The following FHIT variants were observed in gnomAD, a reference collection of about 807,000 sequenced individuals.
FHIT encodes the protein fragile histidine triad diadenosine triphosphatase, also known as bis(5'-adenosyl)-triphosphatase.
Under a neutral mutation model 17.9 loss-of-function variants are expected in FHIT, and 19 were observed. The observed-to-expected ratio is 1.06, with a 90% CI of 0.74 to 1.56. FHIT has a LOEUF of 1.56. FHIT is among the 40% of genes most tolerant of loss of function. The pLI is 0.00. For missense variants in FHIT, 248 were observed against 189.2 expected, an observed-to-expected ratio of 1.31 and a Z score of -1.82; for synonymous variants, 81 against 69.7, an observed-to-expected ratio of 1.16 and a Z score of -0.81.
chr3:60,908,385 T>C (rs1395944792), intron 3 of FHIT, among the ~76,000 whole-genome samples: 2 of 152,248 alleles, frequency 1.3e-5, no homozygotes, highest in African/African-American at 4.8e-5. Flanking sequence ...AATGCCATTA[T>C]AGAGCAGTCC....
intron 5 of FHIT, among the ~76,000 whole-genome samples, chr3:60,230,473 C>G (rs1704439844): frequency 6.6e-6 from 1 of 151,946 alleles, no homozygotes; most frequent in African/African-American, 2.4e-5. Flanking sequence ...TAAAGATTTT[C>G]CAGAAAAAAA....
intron 7 of FHIT, among the ~76,000 whole-genome samples, chr3:59,924,799 T>C (rs1705573072): frequency 6.6e-6 from 1 of 152,246 alleles, no homozygotes; most frequent in Non-Finnish European, 1.5e-5. Context: ...CCACCTGTAC[T>C]TGGGGCTTAT....
At chr3:60,388,012 A>G (rs568963415) in intron 5 of FHIT, among the ~76,000 whole-genome samples, 6 of 152,202 alleles carry the variant, frequency 3.9e-5, no homozygotes, top group African/African-American at 1.4e-4. Context: ...TGCACATACC[A>G]GTTCTCCTTC....
intron 3 of FHIT, among the ~76,000 whole-genome samples, chr3:60,896,197 T>A (rs1369037467): frequency 2.6e-5 from 4 of 152,096 alleles, no homozygotes; most frequent in Non-Finnish European, 5.9e-5. Flanking sequence ...ATGGAAAAAT[T>A]GTCTTCTATG....
intron 5 of FHIT, among the ~76,000 whole-genome samples, chr3:60,019,056 G>T (rs912576286): frequency 6.6e-6 from 1 of 152,150 alleles, no homozygotes; most frequent in Non-Finnish European, 1.5e-5. Context: ...TTTGCTGAGG[G>T]TCTCACCTGG....
intron 5 of FHIT, among the ~76,000 whole-genome samples, chr3:60,167,367 A>C (rs867942153): frequency 1.6e-4 from 24 of 152,290 alleles, no homozygotes; most frequent in Middle Eastern, 3.4e-3. Context: ...TTATCTAATC[A>C]AAGTTTGTGC....
intron 3 of FHIT, among the ~76,000 whole-genome samples, chr3:60,857,931 G>A (rs939690759): frequency 1.3e-5 from 2 of 152,148 alleles, no homozygotes; most frequent in African/African-American, 4.8e-5. Context: ...TCTCTTAAAA[G>A]GAAAAATAAA....
chr3:60,717,212 G>A (rs943905316), intron 4 of FHIT, among the ~76,000 whole-genome samples: 1 of 152,052 alleles, frequency 6.6e-6, no homozygotes, highest in African/African-American at 2.4e-5. Flanking sequence ...AGATAAGTAA[G>A]TTTTGGAGAT....
chr3:60,292,734 A>G lies in FHIT; in HGVS notation c.103+244126T>C, dbSNP rs554211687. ...TGAAAGCTGAATGCCATCAGTGGAC[A>G]TATCAGAAAACATCAAGAAAAGCTT... On this transcript the variant is annotated intron_variant, in intron 5 of 9. Transcript: ENST00000492590. 7.7e-4 allele frequency among the ~76,000 whole-genome samples: 118 copies of G among 152,294 alleles called. 1 individual carries two copies. In the South Asian group the frequency reaches 0.014, roughly 18 times the overall value.
At chr3:60,729,246 T>C (rs1327175506) in intron 4 of FHIT, among the ~76,000 whole-genome samples, 5 of 152,218 alleles carry the variant, frequency 3.3e-5, no homozygotes, top group African/African-American at 1.2e-4. Flanking sequence ...GCATACTTCC[T>C]ACATTCCAAG....
intron 5 of FHIT, among the ~76,000 whole-genome samples, chr3:60,133,825 T>G (rs1699697825): frequency 6.6e-6 from 1 of 151,474 alleles, no homozygotes; most frequent in Admixed American, 6.6e-5. Context: ...CTATTTTAAA[T>G]AGCATCTAAA....
intron 5 of FHIT, among the ~76,000 whole-genome samples, chr3:60,345,724 C>T (rs956241206): frequency 6.6e-6 from 1 of 152,132 alleles, no homozygotes; most frequent in Non-Finnish European, 1.5e-5. Flanking sequence ...TAAATTACAA[C>T]AGTTTATTGA....
chr3:60,753,992 CA>C (rs1369826809), intron 4 of FHIT, among the ~76,000 whole-genome samples: 6 of 151,846 alleles, frequency 4.0e-5, no homozygotes, highest in African/African-American at 4.8e-5. Context: ...CCTTTCCCAG[CA>C]AAAGGAAAAG....
intron 8 of FHIT, among the ~76,000 whole-genome samples, chr3:59,758,432 C>G (rs758472238): frequency 6.6e-6 from 1 of 152,152 alleles, no homozygotes; most frequent in Non-Finnish European, 1.5e-5. Flanking sequence ...GGAATAGGCA[C>G]GCACAACAGG....
At chr3:60,866,018 G>A (rs1360507411) in intron 3 of FHIT, among the ~76,000 whole-genome samples, 3 of 152,078 alleles carry the variant, frequency 2.0e-5, no homozygotes, top group Admixed American at 6.6e-5. Context: ...CAACAAGTAG[G>A]AAAGAAGTCT....
At chr3:60,713,960 G>GGA (rs2041611059) in intron 4 of FHIT, among the ~76,000 whole-genome samples, 1 of 151,788 alleles carries the variant, frequency 6.6e-6, no homozygotes, top group South Asian at 2.1e-4. Context: ...TGATACCAAA[G>GGA]CCTGGCAGAG....
intron 5 of FHIT, among the ~76,000 whole-genome samples, chr3:60,431,481 C>G (rs1166965156): frequency 2.0e-5 from 3 of 152,040 alleles, no homozygotes; most frequent in South Asian, 2.1e-4. Context: ...TTGCCGACAG[C>G]TCCCTCAAAA....
chr3:60,093,463 A>G lies in FHIT; in HGVS notation c.104-79311T>C, dbSNP rs188639531. On this transcript the variant is annotated intron_variant, in intron 5 of 9. Coordinates refer to ENST00000492590, the MANE Select transcript of FHIT (RefSeq NM_002012.4). The stretch of plus-strand genomic sequence containing the variant: ...CTTCCTATTTTAACATCAGCTATTG[A>G]GCAACCTCAATTCCATCTGCAACCT... Among the ~76,000 whole-genome samples the G allele has an allele frequency of 1.1e-3, 165 of 152,278 alleles. 2 individuals carry two copies. The highest frequency in any genetic ancestry group is 6.0e-4 in the Non-Finnish European group (41 of 68,026).
At chr3:60,590,282 T>C (rs1397017208) in intron 4 of FHIT, among the ~76,000 whole-genome samples, 1 of 152,096 alleles carries the variant, frequency 6.6e-6, no homozygotes, top group Non-Finnish European at 1.5e-5. Flanking sequence ...ACAGACTCAG[T>C]GGTCTGCTTC....
Sources: allele counts gnomAD v4.1 joint callset (sites outside exome capture counted in the v4.1 genomes callset), GRCh38; gene constraint gnomAD v4.1.1; transcripts MANE v1.5; gene names NCBI Gene and HGNC (gene_info 2026-07-23, HGNC 2026-07-21).